Variants in LPP observed in about 807,000 individuals in gnomAD.
The protein encoded by LPP is LIM domain containing preferred translocation partner in lipoma, also known as lipoma-preferred partner.
LPP carries 38 observed loss-of-function variants against 60.4 expected under a neutral mutation model. That is an observed-to-expected ratio of 0.63 (90% CI 0.49 to 0.83). The LOEUF (loss-of-function observed/expected upper bound fraction) is 0.83. Among genes scored for constraint, LPP ranks in the 40% least tolerant of loss-of-function variants. The probability of loss-of-function intolerance (pLI) is 0.00; values close to 1 mark genes in which losing one functional copy is unlikely to be tolerated. For missense variants in LPP, 902 were observed against 783.6 expected, an observed-to-expected ratio of 1.15 and a Z score of -1.80; for synonymous variants, 328 against 290.8, an observed-to-expected ratio of 1.13 and a Z score of -1.30.
chr3:188,267,511 G>A (rs971234296), intron 2 of LPP, among the ~76,000 whole-genome samples: 1 of 152,222 alleles, frequency 6.6e-6, no homozygotes, highest in Non-Finnish European at 1.5e-5. Flanking sequence ...TGGTGCTGTT[G>A]TTAAAAGGTG....
chr3:188,701,470 A>G (rs894276680), intron 7 of LPP, among the ~76,000 whole-genome samples: 1 of 152,202 alleles, frequency 6.6e-6, no homozygotes, highest in African/African-American at 2.4e-5. Flanking sequence ...TCAACGATTA[A>G]CCTTTGAGCA....
chr3:188,648,848 T>C (rs1851570539), intron 7 of LPP, among the ~76,000 whole-genome samples: 1 of 152,182 alleles, frequency 6.6e-6, no homozygotes, highest in Non-Finnish European at 1.5e-5. Flanking sequence ...TGGGCCAGCA[T>C]GTTGCTAGGT....
At chr3:188,573,213 C>T (rs1368693950) in intron 6 of LPP, among the ~76,000 whole-genome samples, 1 of 152,006 alleles carries the variant, frequency 6.6e-6, no homozygotes, top group African/African-American at 2.4e-5. Flanking sequence ...AAGGGTAGAC[C>T]AACCTGCACA....
intron 6 of LPP, among the ~76,000 whole-genome samples, chr3:188,549,352 A>C (rs773392398): frequency 2.0e-5 from 3 of 152,020 alleles, no homozygotes; most frequent in African/African-American, 4.8e-5. Context: ...GAAACCTATA[A>C]ATTGATGGAG....
At chr3:188,843,871 A>G (rs1168825057) in intron 9 of LPP, among the ~76,000 whole-genome samples, 1 of 151,638 alleles carries the variant, frequency 6.6e-6, no homozygotes, top group Non-Finnish European at 1.5e-5. Flanking sequence ...GTGAGGAAGT[A>G]TCCAAAGCAT....
intron 3 of LPP, among the ~76,000 whole-genome samples, chr3:188,391,843 A>G (rs150754913): frequency 7.4e-4 from 112 of 152,138 alleles, no homozygotes; most frequent in Non-Finnish European, 1.3e-3. Flanking sequence ...TGAAGACTCA[A>G]TATGAGAACA....
intron 4 of LPP, among the ~76,000 whole-genome samples, chr3:188,432,048 C>T (rs925451146): frequency 6.6e-6 from 1 of 152,076 alleles, no homozygotes; most frequent in African/African-American, 2.4e-5. Context: ...GAAGCTAACA[C>T]TTAATTTGTT....
chr3:188,155,266 A>G (rs1715903897), intron 1 of LPP, among the ~76,000 whole-genome samples: 1 of 152,082 alleles, frequency 6.6e-6, no homozygotes, highest in African/African-American at 2.4e-5. Flanking sequence ...CCCCCAACAC[A>G]AAACAACTAG....
At chr3:188,592,563 T>TTTTTTTTTTTTTTTGGAG in intron 6 of LPP, among the ~76,000 whole-genome samples, 11 of 77,214 alleles carry the variant, frequency 1.4e-4, no homozygotes, top group East Asian at 4.0e-4. Context: ...TTTTGTTTTT[T>TTTTTTTTTTTTTTTGGAG]AAATGGAGTC....
intron 9 of LPP, among the ~76,000 whole-genome samples, chr3:188,860,675 C>G (rs1764987370): frequency 6.6e-6 from 1 of 151,966 alleles, no homozygotes; most frequent in Non-Finnish European, 1.5e-5. Context: ...AAGTACTTAC[C>G]TGGACTTTAT....
intron 9 of LPP, among the ~76,000 whole-genome samples, chr3:188,805,893 C>A: frequency 6.6e-6 from 1 of 151,220 alleles, no homozygotes; most frequent in East Asian, 1.9e-4. Context: ...TTTTCTAGGC[C>A]TTTCTGTTAT....
At chr3:188,607,399 A>T (rs1175194379) in intron 6 of LPP, among the ~76,000 whole-genome samples, 3 of 65,676 alleles carry the variant, frequency 4.6e-5, no homozygotes, top group Non-Finnish European at 7.3e-5. Flanking sequence ...ATATATATAT[A>T]TATATATATA....
rs148243499 is a variant in LPP, at chr3:188,473,666, T to C, written c.194-10926T>C. 1.2e-3 allele frequency among the ~76,000 whole-genome samples: 178 copies of C among 152,356 alleles called. 1 individual carries two copies. Among genetic ancestry groups the C allele is most frequent in the African/African-American group, 3.9e-3 (162 of 41,584 alleles). On this transcript the variant is annotated intron_variant, in intron 4 of 11. Coordinates refer to ENST00000617246, the MANE Select transcript of LPP (RefSeq NM_001375462.1). ...CCTCAAGCTAAGTATTTTCAAATTC[T>C]GTCTATGACATGTATCCTTCCCCTT...
Position 188,758,235 on chromosome 3 carries a change from A to G in LPP, c.1241-1878A>G, listed in dbSNP as rs1201543241. Among the ~76,000 whole-genome samples, 5 of 152,144 alleles carry G rather than the reference A, an allele frequency of 3.3e-5. No individual in the cohort carries two copies. The East Asian group carries it at 9.6e-4, about 29-fold the overall frequency. On this transcript the variant is annotated intron_variant, in intron 8 of 11. Transcript: ENST00000617246. ...GAGTGCAGTGGCGCCATCTCAGCTC[A>G]CTGCAACCTCTGCCTCCCGGGTTCA...
chr3:188,782,081 A>G (rs1163850770), intron 9 of LPP, among the ~76,000 whole-genome samples: 1 of 152,114 alleles, frequency 6.6e-6, no homozygotes, highest in Non-Finnish European at 1.5e-5. Flanking sequence ...ATATGCTTGT[A>G]CCAAAGCCCA....
At chr3:188,779,772 C>T (rs1739039666) in intron 9 of LPP, among the ~76,000 whole-genome samples, 1 of 152,010 alleles carries the variant, frequency 6.6e-6, no homozygotes, top group Admixed American at 6.6e-5. Context: ...TATTTCCTTA[C>T]AACATGTTTT....
chr3:188,538,683 T>C (rs1339573551), intron 6 of LPP, among the ~76,000 whole-genome samples: 1 of 152,226 alleles, frequency 6.6e-6, no homozygotes, highest in Non-Finnish European at 1.5e-5. Flanking sequence ...TCTATTTATG[T>C]ATCCAAGGGA....
chr3:188,842,821 T>G (rs16863650), intron 9 of LPP, among the ~76,000 whole-genome samples: 5,877 of 152,262 alleles, frequency 0.039, 367 homozygotes, highest in African/African-American at 0.13. Context: ...TTTAGGAGAT[T>G]TGGCAATTGT....
intron 6 of LPP, among the ~76,000 whole-genome samples, chr3:188,541,826 G>C (rs957578534): frequency 1.1e-4 from 16 of 152,062 alleles, no homozygotes; most frequent in Non-Finnish European, 1.2e-4. Flanking sequence ...GAACTCAGGA[G>C]GTGGATGTTG....
Sources: allele counts gnomAD v4.1 joint callset (sites outside exome capture counted in the v4.1 genomes callset), GRCh38; gene constraint gnomAD v4.1.1; transcripts MANE v1.5; gene names NCBI Gene and HGNC (gene_info 2026-07-23, HGNC 2026-07-21).